ATP6V1A: variants seen among roughly 807,000 people sequenced by gnomAD.
The protein encoded by ATP6V1A is V-type proton ATPase catalytic subunit A.
Under a neutral mutation model 70.1 loss-of-function variants are expected in ATP6V1A, and 18 were observed. The ratio of observed to expected loss-of-function variants is 0.26; its 90% CI spans 0.18 to 0.38. The LOEUF (loss-of-function observed/expected upper bound fraction) is 0.38, where lower values mean the gene tolerates loss of function less well. Among genes scored for constraint, ATP6V1A ranks in the 10% least tolerant of loss-of-function variants. The pLI is 1.00. For synonymous variants in ATP6V1A, 232 were observed against 253.8 expected, an observed-to-expected ratio of 0.91 and a Z score of 0.82; for missense variants, 424 against 772.4, an observed-to-expected ratio of 0.55 and a Z score of 5.35.
chr3:113,789,652 T>TAA (rs11385012), intron 7 of ATP6V1A, 80 bp from the exon 8 acceptor site: 4,761 of 931,688 alleles, frequency 5.1e-3, no homozygotes, highest in East Asian at 6.4e-3. Context: ...GGCAAAAGTT[T>TAA]AAAAAAAAAA....
At chr3:113,805,632 G>A (rs1049292517) in intron 14 of ATP6V1A, 107 bp downstream of exon 14, 8 of 1,126,718 alleles carry the variant, frequency 7.1e-6, no homozygotes, top group Non-Finnish European at 1.0e-5. Flanking sequence ...GCAGTGGCAT[G>A]ATCTTGTCTC....
chr3:113,780,766 A>G lies in ATP6V1A; in HGVS notation c.83-284A>G, dbSNP rs563400093. 24 of 1,310,826 alleles carry G rather than the reference A, an allele frequency of 1.8e-5. No homozygotes were observed. In the African/African-American group the frequency reaches 3.3e-4, roughly 18 times the overall value. 81.2% of individuals were successfully genotyped at this position (1,310,826 alleles called of 1,614,324 possible). On this transcript the variant is annotated intron_variant, in intron 2 of 14. Transcript: ENST00000273398. Reference sequence around the variant, plus strand: ...CATGTATCATAGCAACTCTCAGAACATACCTGAATCCTACCAGGTAAGTTT... The same window carrying G: ...CATGTATCATAGCAACTCTCAGAACGTACCTGAATCCTACCAGGTAAGTTT...
intron 1 of ATP6V1A, among the ~76,000 whole-genome samples, chr3:113,760,865 G>A (rs968898416): frequency 4.6e-5 from 7 of 151,716 alleles, no homozygotes; most frequent in Non-Finnish European, 7.4e-5. Context: ...TCAAGAGATC[G>A]AGACCATCCT....
chr3:113,749,200 G>A (rs1708557633), intron 1 of ATP6V1A, among the ~76,000 whole-genome samples: 1 of 151,732 alleles, frequency 6.6e-6, no homozygotes, highest in Non-Finnish European at 1.5e-5. Context: ...TTAGTAGTGG[G>A]AATTGGTGAT....
intron 1 of ATP6V1A, among the ~76,000 whole-genome samples, chr3:113,777,492 A>T (rs1708928184): frequency 6.6e-6 from 1 of 152,236 alleles, no homozygotes; most frequent in Non-Finnish European, 1.5e-5. Flanking sequence ...ATGGTGGCTC[A>T]CACCTGTAAT....
chr3:113,804,887 A>T (rs1027755029), intron 13 of ATP6V1A, among the ~76,000 whole-genome samples: 4 of 152,218 alleles, frequency 2.6e-5, no homozygotes. Flanking sequence ...AAAAGGGGCT[A>T]CTACTAACTT....
intron 14 of ATP6V1A, among the ~76,000 whole-genome samples, chr3:113,806,392 CAT>C (rs1479109236): frequency 2.0e-5 from 3 of 152,166 alleles, no homozygotes; most frequent in Non-Finnish European, 4.4e-5. Flanking sequence ...ACCTCTAGCA[CAT>C]GTGTTCTTCT....
chr3:113,769,001 C>T (rs1048080137), intron 1 of ATP6V1A, among the ~76,000 whole-genome samples: 5 of 152,044 alleles, frequency 3.3e-5, no homozygotes, highest in South Asian at 2.1e-4. Context: ...CCAAAGCAGT[C>T]GAGGGAACTG....
Position 113,803,618 on chromosome 3 carries a change from G to A in ATP6V1A, c.1530G>A (p.Glu510=). 1 of 1,612,076 alleles carries A rather than the reference G, an allele frequency of 6.2e-7. No homozygotes were observed. Among genetic ancestry groups the A allele is most frequent in the Non-Finnish European group, 8.5e-7 (1 of 1,178,534 alleles). ...SLAETDKITL[E]VAKLIKDDFL... ...CAGAAACAGATAAAATCACTCTGGA[G>A]GTAGCAAAACTTATCAAAGATGATT... The change falls in exon 13 of 15, where the codon GAG becomes GAA. Residue 510 remains glutamate, a synonymous_variant. Coordinates refer to ENST00000273398, the MANE Select transcript of ATP6V1A (RefSeq NM_001690.4).
chr3:113,778,715 CTTATTTA>C lies in ATP6V1A; in HGVS notation c.-13-23_-13-17del, dbSNP rs1708945165. 7.3e-7 allele frequency: 1 copy of C among 1,364,030 alleles called. No individual in the cohort carries two copies. The highest frequency in any genetic ancestry group is 9.9e-7 in the Non-Finnish European group (1 of 1,006,950). The allele number at this position is 1,364,030 out of a possible 1,614,324, so 84.5% of individuals were successfully genotyped here. The stretch of plus-strand genomic sequence containing the variant: ...TTTGCTTTACGGTTTATAATTATAA[CTTATTTA>C]TTTATTTATTTACTATAGGTAAACT... On this transcript the variant is annotated intron_variant, in intron 1 of 14. Transcript: ENST00000273398.
chr3:113,788,732 A>G lies in ATP6V1A; in HGVS notation c.736A>G (p.Thr246Ala). 1 of 1,613,894 alleles carries G rather than the reference A, an allele frequency of 6.2e-7. No homozygotes were observed. The highest frequency in any genetic ancestry group is 2.2e-5 in the East Asian group (1 of 44,852). ...GTTTAGGTGTGTCCAGGGAGGAACT[A>G]CTGCTATCCCTGGAGCCTTTGGCTG... Reference protein sequence around the residue: ...ALFPCVQGGTTAIPGAFGCGK... With the variant: ...ALFPCVQGGTAAIPGAFGCGK... The change falls in exon 7 of 15, where the codon ACT becomes GCT. Residue 246 changes from threonine (T) to alanine (A), a missense_variant. By Grantham distance (58) the Thr-to-Ala change is moderately conservative. Transcript: ENST00000273398.
At chr3:113,797,536 G>A (rs1340072721) in intron 11 of ATP6V1A, among the ~76,000 whole-genome samples, 1 of 152,186 alleles carries the variant, frequency 6.6e-6, no homozygotes, top group African/African-American at 2.4e-5. Flanking sequence ...GATTACAGGC[G>A]TGAGCCACCA....
At chr3:113,792,875 A>G (rs1709111336) in intron 8 of ATP6V1A, among the ~76,000 whole-genome samples, 1 of 152,232 alleles carries the variant, frequency 6.6e-6, no homozygotes, top group South Asian at 2.1e-4. Flanking sequence ...TAGATTTGAC[A>G]ATTGAAATTT....
intron 14 of ATP6V1A, among the ~76,000 whole-genome samples, chr3:113,806,055 T>C (rs1396291881): frequency 6.6e-6 from 1 of 152,112 alleles, no homozygotes; most frequent in Non-Finnish European, 1.5e-5. Context: ...GGAGGATGAC[T>C]TGAGCCCAGG....
intron 1 of ATP6V1A, among the ~76,000 whole-genome samples, chr3:113,772,554 C>A (rs1247997271): frequency 6.6e-6 from 1 of 151,974 alleles, no homozygotes; most frequent in Admixed American, 6.6e-5. Context: ...AGTGAAATCC[C>A]GTCTCTACTA....
intron 1 of ATP6V1A, among the ~76,000 whole-genome samples, chr3:113,753,761 T>C (rs1222285094): frequency 6.6e-6 from 1 of 151,052 alleles, no homozygotes; most frequent in East Asian, 1.9e-4. Context: ...ACTGGTGCTG[T>C]CTTGGCTCAC....
intron 1 of ATP6V1A, among the ~76,000 whole-genome samples, chr3:113,762,910 T>G (rs1708722018): frequency 6.6e-6 from 1 of 152,164 alleles, no homozygotes; most frequent in Admixed American, 6.6e-5. Flanking sequence ...GCCAAATATA[T>G]TCTCAGAAAT....
intron 1 of ATP6V1A, among the ~76,000 whole-genome samples, chr3:113,750,061 T>C (rs1375494087): frequency 6.6e-6 from 1 of 152,224 alleles, no homozygotes; most frequent in Non-Finnish European, 1.5e-5. Context: ...GGACTAGCAC[T>C]AGACTAAAAG....
At chr3:113,759,364 T>G (rs1220032725) in intron 1 of ATP6V1A, among the ~76,000 whole-genome samples, 1 of 150,532 alleles carries the variant, frequency 6.6e-6, no homozygotes, top group Non-Finnish European at 1.5e-5. Context: ...CTTTCTACAC[T>G]GAATTGCCTT....
Sources: allele counts gnomAD v4.1 joint callset (sites outside exome capture counted in the v4.1 genomes callset), GRCh38; gene constraint gnomAD v4.1.1; transcripts MANE v1.5; gene names NCBI Gene and HGNC (gene_info 2026-07-23, HGNC 2026-07-21).